IGHMBP2: variants seen among roughly 807,000 people sequenced by gnomAD.
IGHMBP2 encodes immunoglobulin mu DNA binding protein 2.
In IGHMBP2, 81 loss-of-function variants were observed where a neutral mutation model predicts 96.0. The observed-to-expected ratio is 0.84, with a 90% CI of 0.71 to 1.01. The LOEUF is 1.01. Ranked by LOEUF, IGHMBP2 falls within the 50% of genes least tolerant of loss-of-function variation. IGHMBP2 has a pLI of 0.00. For missense variants in IGHMBP2, 1,227 were observed against 1,306.3 expected (o/e 0.94, Z 0.94); for synonymous variants, 557 against 548.9 (o/e 1.01, Z -0.21).
At chr11:68,905,558 C>T (rs1332375518) in intron 1 of IGHMBP2, among the ~76,000 whole-genome samples, 1 of 152,178 alleles carries the variant, frequency 6.6e-6, no homozygotes, top group Admixed American at 6.5e-5. Flanking sequence ...AGGAGCTAGT[C>T]TTCTGTTCTG....
chr11:68,913,806 G>A (rs1858540113), intron 5 of IGHMBP2, among the ~76,000 whole-genome samples: 1 of 152,124 alleles, frequency 6.6e-6, no homozygotes, highest in Non-Finnish European at 1.5e-5. Context: ...TGCAGTCTCA[G>A]CTACTTGGGA....
chr11:68,929,204 T>C lies in IGHMBP2; in HGVS notation c.1082T>C (p.Leu361Pro), dbSNP rs201060167. 188 of 1,613,386 alleles carry C rather than the reference T, an allele frequency of 1.2e-4. No homozygotes were observed. The highest frequency in any genetic ancestry group is 1.5e-4 in the Non-Finnish European group (181 of 1,180,012). The change falls in exon 8 of 15, where the codon CTG becomes CCG. Residue 361 changes from leucine to proline, a missense_variant. Physicochemically the swap from Leu to Pro is moderately conservative, Grantham distance 98. Transcript: ENST00000255078. Reference sequence around the variant, plus strand: ...CCAGGTGCGTCTGCCGATGGCCCCCTGAAGTTGCTGCCCGAGAGCTACTTC... The same window carrying C: ...CCAGGTGCGTCTGCCGATGGCCCCCCGAAGTTGCTGCCCGAGAGCTACTTC... ...TNTGASADGP[L>P]KLLPESYFDV...
chr11:68,938,435 CT>C, intron 14 of IGHMBP2, 81 bp downstream of exon 14: 1 of 1,326,064 alleles, frequency 7.5e-7, no homozygotes, highest in Non-Finnish European at 1.0e-6. Context: ...CCTGGGCAGA[CT>C]TGTTCCAGTC....
rs201820745 is a variant in IGHMBP2, at chr11:68,906,645, T to TTC, written c.256+408_256+409insCT. ...ATAATTTACCCATTTCTTTTCTTTTTTTTTTTTTTTTTTTGAGACAGAGTT... is the reference window on the plus strand; with the variant it reads ...ATAATTTACCCATTTCTTTTCTTTTTTCTTTTTTTTTTTTTTGAGACAGAGTT... On this transcript the variant is annotated intron_variant, in intron 2 of 14. Transcript: ENST00000255078. Among the ~76,000 whole-genome samples the TTC allele has an allele frequency of 3.5e-4, 50 of 142,868 alleles. 2 individuals carry two copies. The South Asian group carries it at 9.3e-3, about 27-fold the overall frequency. 93.7% of individuals were successfully genotyped at this position (142,868 alleles called of 152,430 possible). A position where few individuals can be genotyped will look rare whatever the true frequency, so the allele number is the denominator to read the frequency against.
intron 5 of IGHMBP2, among the ~76,000 whole-genome samples, chr11:68,914,260 C>T (rs970796140): frequency 2.6e-5 from 4 of 151,206 alleles, no homozygotes; most frequent in African/African-American, 4.9e-5. Flanking sequence ...CCTGCCACTG[C>T]GCTCCAGCCT....
At chr11:68,909,474 C>T (rs1594419800) in intron 4 of IGHMBP2, among the ~76,000 whole-genome samples, 2 of 152,254 alleles carry the variant, frequency 1.3e-5, no homozygotes, top group South Asian at 4.1e-4. Flanking sequence ...GCTACCGTGC[C>T]TAGCCTCCAT....
Position 68,929,322 on chromosome 11 carries a change from T to C in IGHMBP2, c.1200T>C (p.Asp400=). 1 of 1,613,564 alleles carries C rather than the reference T, an allele frequency of 6.2e-7. No individual in the cohort carries two copies. Among genetic ancestry groups the C allele is most frequent in the Non-Finnish European group, 8.5e-7 (1 of 1,180,010 alleles). ...LKARKCILAG[D]HKQLPPTTVS... Reference sequence around the variant, plus strand: ...CCAGAAAGTGCATCCTGGCGGGCGATCACAAGCAGCTGCCCCCCACCACAG... The same window carrying C: ...CCAGAAAGTGCATCCTGGCGGGCGACCACAAGCAGCTGCCCCCCACCACAG... The change falls in exon 8 of 15, where the codon GAT becomes GAC. Residue 400 remains aspartate, a synonymous_variant. Transcript: ENST00000255078.
At position 68,933,380 on chromosome 11, in the gene IGHMBP2, G is replaced by A. The variant is rs763751517; in HGVS notation, c.1317G>A (p.Thr439=). 3.7e-6 allele frequency: 6 copies of A among 1,613,074 alleles called. No individual in the cohort carries two copies. The highest frequency in any genetic ancestry group is 1.6e-4 in the Middle Eastern group (1 of 6,062). The part of the protein sequence containing the change: ...EYGARVVRTL[T]VQYRMHQAIM... ...GCGCGAGGGTGGTGCGGACACTGACGGTGCAGTACCGCATGCACCAGGCTA... is the reference window on the plus strand; with the variant it reads ...GCGCGAGGGTGGTGCGGACACTGACAGTGCAGTACCGCATGCACCAGGCTA... The change falls in exon 9 of 15, where the codon ACG becomes ACA. Residue 439 remains threonine, a synonymous_variant. Coordinates refer to ENST00000255078, the MANE Select transcript of IGHMBP2 (RefSeq NM_002180.3).
At chr11:68,937,590 G>A (rs3794029) in intron 13 of IGHMBP2, 43,698 of 247,786 alleles carry the variant, frequency 0.18, 4,744 homozygotes, top group Non-Finnish European at 0.24. Context: ...GCTCTGCCCC[G>A]TTTGCCACAT....
intron 5 of IGHMBP2, among the ~76,000 whole-genome samples, chr11:68,914,439 C>T (rs1046562107): frequency 7.9e-5 from 12 of 152,220 alleles, no homozygotes; most frequent in African/African-American, 2.9e-4. Flanking sequence ...TGTCCTGCTG[C>T]TCAGACCTGC....
intron 6 of IGHMBP2, among the ~76,000 whole-genome samples, chr11:68,915,426 C>T (rs1487256630): frequency 6.6e-5 from 10 of 151,246 alleles, no homozygotes; most frequent in Admixed American, 2.6e-4. Flanking sequence ...GTGCTCTGCC[C>T]GCCTCGGCCT....
chr11:68,931,561 C>T (rs997325096), intron 8 of IGHMBP2, among the ~76,000 whole-genome samples: 19 of 152,144 alleles, frequency 1.2e-4, no homozygotes, highest in Non-Finnish European at 2.2e-4. Flanking sequence ...GGGTCTGTAG[C>T]TGTGACCCTG....
intron 8 of IGHMBP2, among the ~76,000 whole-genome samples, chr11:68,931,058 AGCCCAGCTGCCAGCCTTCAG>A (rs1859278297): frequency 6.6e-6 from 1 of 152,200 alleles, no homozygotes; most frequent in Non-Finnish European, 1.5e-5. Context: ...CAGGACTGGC[AGCCCAGCTGCCAGCCTTCAG>A]GCCCTTCCTG....
At position 68,938,298 on chromosome 11, in the gene IGHMBP2, G is replaced by A; in HGVS notation, c.2728G>A (p.Gly910Ser). The change falls in exon 14 of 15, where the codon GGC (glycine) becomes AGC (serine). Residue 910 changes from glycine to serine, a missense_variant. Gly to Ser is a moderately conservative substitution (Grantham distance 56). Around this residue, in one of 3 missense-constraint regions of IGHMBP2, gnomAD observed 703 missense variants for 770.3 expected, o/e 0.91. Transcript: ENST00000255078. ...GTGCACAGCCGGCGTCACAACCCTG[G>A]GCCAGTTCTGCCAGCTCTGCAGCCG... ...AKCTAGVTTLGQFCQLCSRRY... is the reference protein window; with the variant it reads ...AKCTAGVTTLSQFCQLCSRRY... The A allele has an allele frequency of 6.2e-7, 1 of 1,612,988 alleles. No individual in the cohort carries two copies. The highest frequency in any genetic ancestry group is 1.1e-5 in the South Asian group (1 of 91,042).
chr11:68,928,768 C>T (rs1301113401), intron 7 of IGHMBP2, among the ~76,000 whole-genome samples: 1 of 150,012 alleles, frequency 6.7e-6, no homozygotes, highest in Non-Finnish European at 1.5e-5. Flanking sequence ...TTGCCAAATA[C>T]ATGGAGGCTT....
intron 2 of IGHMBP2, 35 bp from the exon 3 acceptor site, chr11:68,908,110 C>T: frequency 6.5e-7 from 1 of 1,540,772 alleles, no homozygotes; most frequent in Non-Finnish European, 9.0e-7. Context: ...AAGCTTTCCC[C>T]AGTGTCTTGT....
intron 7 of IGHMBP2, among the ~76,000 whole-genome samples, chr11:68,919,707 G>T (rs1264332767): frequency 6.6e-6 from 1 of 152,184 alleles, no homozygotes; most frequent in Non-Finnish European, 1.5e-5. Flanking sequence ...TGTTTTTCCT[G>T]CAGTTCTATT....
In IGHMBP2 at chr11:68,936,746, C is replaced by T. The variant is rs1340282313; in HGVS notation, c.2266C>T (p.Leu756=). 2 of 1,613,982 alleles carry T rather than the reference C, an allele frequency of 1.2e-6. No homozygotes were observed. The highest frequency in any genetic ancestry group is 1.3e-5 in the African/African-American group (1 of 74,944). ...TCCTTCCCTCAATTCCCACGACAGG[C>T]TGCGGGTCCACCAAATAGCCGAGGA... ...FPPSLNSHDR[L]RVHQIAEEHG... is the part of the protein sequence containing the mutation. The change falls in exon 13 of 15, where the codon CTG becomes TTG. Residue 756 remains leucine, a synonymous_variant. Coordinates refer to ENST00000255078, the MANE Select transcript of IGHMBP2 (RefSeq NM_002180.3).
chr11:68,919,230 GCTCCT>G (rs10596821), intron 7 of IGHMBP2, among the ~76,000 whole-genome samples: 107,081 of 145,922 alleles, frequency 0.73, 40,422 homozygotes, highest in Non-Finnish European at 0.83. Context: ...TCACTGTGTT[GCTCCT>G]CTCCTCTCCT....
Sources: allele counts gnomAD v4.1 joint callset (sites outside exome capture counted in the v4.1 genomes callset), GRCh38; gene constraint gnomAD v4.1.1; regional missense constraint gnomAD v4.1.1; transcripts MANE v1.5; gene names NCBI Gene and HGNC (gene_info 2026-07-23, HGNC 2026-07-21).